DUXB: variants seen among roughly 807,000 people sequenced by gnomAD.
DUXB encodes the protein double homeobox B.
A neutral mutation model predicts 8.9 loss-of-function variants in DUXB; 22 were observed. That is an observed-to-expected ratio of 2.46 (90% confidence interval 1.76 to 3.52). The LOEUF (loss-of-function observed/expected upper bound fraction) is 3.52. Ranked by LOEUF, DUXB falls within the 30% of genes most tolerant of loss-of-function variation. DUXB has a pLI of 0.00. For synonymous variants in DUXB, 84 were observed against 37.6 expected, an observed-to-expected ratio of 2.23 and a Z score of -4.52; for missense variants, 237 against 108.7, an observed-to-expected ratio of 2.18 and a Z score of -5.25.
chr16:75,694,150 T>G lies in DUXB; in HGVS notation c.817A>C (p.Thr273Pro). ...TCTTGGTATTGGAGCCAGAAGGGAG[T>G]CGGAGTATCTAAGTCCTTTGTCAGA... ...PILTKDLDTP[T>P]PFWLQYQEEH... The change falls in exon 5 of 5, where the codon ACT becomes CCT. Residue 273 changes from threonine to proline, a missense_variant. Thr to Pro is a conservative substitution (Grantham distance 38). Coordinates refer to ENST00000633875, the MANE Select transcript of DUXB (RefSeq NM_001351307.2). 1 of 432,332 alleles carries G rather than the reference T, an allele frequency of 2.3e-6. No individual in the cohort carries two copies. Among genetic ancestry groups the G allele is most frequent in the Non-Finnish European group, 4.0e-6 (1 of 248,224 alleles). 26.8% of individuals were successfully genotyped at this position (432,332 alleles called of 1,614,324 possible).
Position 75,694,208 on chromosome 16 carries a change from C to G in DUXB, c.759G>C (p.Leu253=), listed in dbSNP as rs1269044576. 1.8e-5 allele frequency: 9 copies of G among 513,928 alleles called. No homozygotes were observed. The highest frequency in any genetic ancestry group is 6.8e-6 in the Non-Finnish European group (2 of 295,052). The allele number at this position is 513,928 out of a possible 1,614,324, so 31.8% of individuals were successfully genotyped here. A position where few individuals can be genotyped will look rare whatever the true frequency, so the allele number is the denominator to read the frequency against. The change falls in exon 5 of 5, where the codon CTG becomes CTC. Residue 253 remains leucine, a synonymous_variant. Transcript: ENST00000633875. ...VQEGEKSDQP[L]IIPNHLLTLP... is the part of the protein sequence containing the mutation. ...GTGTCAGGAGGTGATTCGGAATTATCAGAGGCTGATCAGACTTCTCTCCTT... is the reference window on the plus strand; with the variant it reads ...GTGTCAGGAGGTGATTCGGAATTATGAGAGGCTGATCAGACTTCTCTCCTT...
At chr16:75,698,507 G>A (rs1229033197) in intron 2 of DUXB, 8 of 152,126 alleles carry the variant, frequency 5.3e-5, no homozygotes, top group Non-Finnish European at 1.0e-4. Context: ...ATTCTTTACA[G>A]GTATCTCTTT....
intron 1 of DUXB, 134 bp from the exon 2 acceptor site, chr16:75,700,303 C>T (rs1291217004): frequency 2.7e-5 from 14 of 525,236 alleles, no homozygotes; most frequent in East Asian, 3.2e-5. Flanking sequence ...GATGCAGTTT[C>T]GGGTCAATGC....
At chr16:75,699,054 C>T (rs181505564) in intron 2 of DUXB, among the ~76,000 whole-genome samples, 173 of 152,172 alleles carry the variant, frequency 1.1e-3, no homozygotes, top group Admixed American at 2.1e-3. Context: ...CTGTGTTGTC[C>T]AGGCTGATCT....
intron 4 of DUXB, among the ~76,000 whole-genome samples, chr16:75,694,895 A>G (rs1454440755): frequency 6.6e-6 from 1 of 152,204 alleles, no homozygotes; most frequent in Non-Finnish European, 1.5e-5. Context: ...TTATATCAGG[A>G]ACTTGAGCAT....
At chr16:75,699,688 AGCTGGGACTACAG>A (rs2151834103) in intron 2 of DUXB, among the ~76,000 whole-genome samples, 1 of 151,590 alleles carries the variant, frequency 6.6e-6, no homozygotes, top group Admixed American at 6.6e-5. Context: ...CCTCCAGAGT[AGCTGGGACTACAG>A]GCGACTGCCA....
intron 4 of DUXB, 40 bp downstream of exon 4, chr16:75,695,921 A>C: frequency 1.4e-6 from 1 of 701,890 alleles, no homozygotes; most frequent in Non-Finnish European, 2.6e-6. Context: ...GGGCAGTATC[A>C]CAGGCAGGAC....
chr16:75,695,329 A>G (rs1340498667), intron 4 of DUXB, among the ~76,000 whole-genome samples: 1 of 152,232 alleles, frequency 6.6e-6, no homozygotes, highest in East Asian at 1.9e-4. Context: ...ATGTGTGCAT[A>G]AGAATTCGTA....
intron 4 of DUXB, 55 bp from the exon 5 acceptor site, chr16:75,694,580 G>A: frequency 1.4e-6 from 1 of 701,076 alleles, no homozygotes; most frequent in Admixed American, 2.0e-5. Context: ...TTGTAACTCT[G>A]CATCAGATAC....
Position 75,700,178 on chromosome 16 carries a change from C to A in DUXB, c.26-9G>T. 1.4e-6 allele frequency: 1 copy of A among 698,944 alleles called. No homozygotes were observed. Among genetic ancestry groups the A allele is most frequent in the Non-Finnish European group, 2.6e-6 (1 of 383,696 alleles). 43.3% of individuals were successfully genotyped at this position (698,944 alleles called of 1,614,324 possible). ...TTCTTTTTGAAGTATGCCTGATGAACAGAAAAGGGGGAGAATAGTGTGAAT... is the reference window on the plus strand; with the variant it reads ...TTCTTTTTGAAGTATGCCTGATGAAAAGAAAAGGGGGAGAATAGTGTGAAT... On this transcript the variant is annotated splice_polypyrimidine_tract_variant and intron_variant, in intron 1 of 4. Coordinates refer to ENST00000633875, the MANE Select transcript of DUXB (RefSeq NM_001351307.2).
Position 75,695,959 on chromosome 16 carries a change from A to C in DUXB, c.441+2T>G. On this transcript the variant is annotated splice_donor_variant, in intron 4 of 4. Transcript: ENST00000633875. LOFTEE classifies it high-confidence loss of function. The stretch of plus-strand genomic sequence containing the variant: ...AGTTGGGATCACACACATAGAACTT[A>C]CTTGAATTCTTGATTCCTGCAGGCC... The C allele has an allele frequency of 1.4e-6, 1 of 702,972 alleles. No homozygotes were observed. The highest frequency in any genetic ancestry group is 2.6e-6 in the Non-Finnish European group (1 of 385,008). The allele number at this position is 702,972 out of a possible 1,614,324, so 43.5% of individuals were successfully genotyped here. A position where few individuals can be genotyped will look rare whatever the true frequency, so the allele number is the denominator to read the frequency against.
rs139500586 is a variant in DUXB, at chr16:75,700,411, T to C, written c.26-242A>G. On this transcript the variant is annotated intron_variant, in intron 1 of 4. Transcript: ENST00000633875. ...ACTGTGCCTGGCTATTTTTTTTTCT[T>C]TGTAGAGATGAGGTCTCATTATCTT... Among the ~76,000 whole-genome samples the C allele has an allele frequency of 2.4e-4, 36 of 152,194 alleles. No individual in the cohort carries two copies. In the East Asian group the frequency reaches 7.0e-3, roughly 29 times the overall value.
At position 75,696,053 on chromosome 16, in the gene DUXB, G is replaced by C; in HGVS notation, c.349C>G (p.Leu117Val). 2.8e-6 allele frequency: 2 copies of C among 703,022 alleles called. No individual in the cohort carries two copies. The highest frequency in any genetic ancestry group is 1.5e-5 in the South Asian group (1 of 67,604). The allele number at this position is 703,022 out of a possible 1,614,324, so 43.5% of individuals were successfully genotyped here. A position where few individuals can be genotyped will look rare whatever the true frequency, so the allele number is the denominator to read the frequency against. ...TFITWTQKNR[L>V]VQAFERNPFP... ...GGGTTCCTCTCAAAGGCTTGCACTA[G>C]CCTGTTTTTTTGAGTCCATGTGATG... Residue 117 changes from leucine (L) to valine (V), a missense_variant, in exon 4 of 5, where the codon CTA (leucine) becomes GTA (valine). Physicochemically the swap from Leu to Val is conservative, Grantham distance 32. Coordinates refer to ENST00000633875, the MANE Select transcript of DUXB (RefSeq NM_001351307.2).
chr16:75,695,926 C>G (rs2082602413), intron 4 of DUXB, 35 bp downstream of exon 4: 2 of 701,998 alleles, frequency 2.8e-6, no homozygotes, highest in South Asian at 3.0e-5. Flanking sequence ...GTATCACAGG[C>G]AGGACATAGT....
chr16:75,694,473 G>T lies in DUXB; in HGVS notation c.494C>A (p.Pro165His). 1.4e-6 allele frequency: 1 copy of T among 702,934 alleles called. No homozygotes were observed. The highest frequency in any genetic ancestry group is 2.6e-6 in the Non-Finnish European group (1 of 384,972). 43.5% of individuals were successfully genotyped at this position (702,934 alleles called of 1,614,324 possible). A position where few individuals can be genotyped will look rare whatever the true frequency, so the allele number is the denominator to read the frequency against. The change falls in exon 5 of 5, where the codon CCC becomes CAC. Residue 165 changes from proline to histidine, a missense_variant. By Grantham distance (77) the Pro-to-His change is moderately conservative (BLOSUM62 -2). Transcript: ENST00000633875. The part of the protein sequence containing the change: ...SLYLKKSRME[P>H]MNLLVDDPNE... ...TGGGTCGTCTACCAATAAATTCATGGGCTCCATTCTGCTCTTCTTGAGGTA... is the reference window on the plus strand; with the variant it reads ...TGGGTCGTCTACCAATAAATTCATGTGCTCCATTCTGCTCTTCTTGAGGTA...
chr16:75,700,295 T>G lies in DUXB; in HGVS notation c.26-126A>C. On this transcript the variant is annotated intron_variant, in intron 1 of 4. Transcript: ENST00000633875. ...TGTCGCCCAGATTGGAGTGCAGTGA[T>G]GCAGTTTCGGGTCAATGCGACCTCC... 5.5e-6 allele frequency: 3 copies of G among 546,372 alleles called. No individual in the cohort carries two copies. In the South Asian group the frequency reaches 7.5e-5, roughly 14 times the overall value. The allele number at this position is 546,372 out of a possible 1,614,324, so 33.8% of individuals were successfully genotyped here. A position where few individuals can be genotyped will look rare whatever the true frequency, so the allele number is the denominator to read the frequency against.
chr16:75,696,768 T>C, intron 3 of DUXB, 70 bp downstream of exon 3: 1 of 651,750 alleles, frequency 1.5e-6, no homozygotes, highest in Non-Finnish European at 2.8e-6. Context: ...CCCTGGCTTC[T>C]GAGCTAAGAG....
In DUXB at chr16:75,696,847, G is replaced by T. The variant is rs759007884; in HGVS notation, c.277C>A (p.Leu93Met). 6 of 702,652 alleles carry T rather than the reference G, an allele frequency of 8.5e-6. No individual in the cohort carries two copies. In the East Asian group the frequency reaches 1.3e-4, roughly 16 times the overall value. The allele number at this position is 702,652 out of a possible 1,614,324, so 43.5% of individuals were successfully genotyped here. A position where few individuals can be genotyped will look rare whatever the true frequency, so the allele number is the denominator to read the frequency against. ...QTQGHDQSQH[L>M]TQEYLPKEAR... ...CATTGAGCATTCTTACCTTGAGTCAGATGCTGGGACTGGTCATGCCCCTGG... is the reference window on the plus strand; with the variant it reads ...CATTGAGCATTCTTACCTTGAGTCATATGCTGGGACTGGTCATGCCCCTGG... The change falls in exon 3 of 5, where the codon CTG becomes ATG. Residue 93 changes from leucine (L) to methionine (M), a missense_variant. Transcript: ENST00000633875.
chr16:75,694,634 G>A (rs1013646004), intron 4 of DUXB, 109 bp from the exon 5 acceptor site: 67 of 648,118 alleles, frequency 1.0e-4, no homozygotes, highest in Non-Finnish European at 1.7e-4. Flanking sequence ...AAATCACAGG[G>A]TGATTTTATA....
Sources: gnomAD v4.1 joint callset for allele counts (sites outside exome capture counted in the v4.1 genomes callset) on GRCh38, gnomAD v4.1.1 for gene constraint, MANE v1.5 for transcripts, NCBI Gene and HGNC (gene_info 2026-07-23, HGNC 2026-07-21) for gene names.